The following STXBP5 variants were observed in gnomAD, a reference collection of about 807,000 sequenced individuals.
The protein encoded by STXBP5 is syntaxin-binding protein 5.
STXBP5 carries 50 observed loss-of-function variants against 152.4 expected under a neutral mutation model. The ratio of observed to expected loss-of-function variants is 0.33; its 90% CI spans 0.26 to 0.42. The LOEUF (loss-of-function observed/expected upper bound fraction) is 0.42. Among genes scored for constraint, STXBP5 ranks in the 10% least tolerant of loss-of-function variants. The pLI is 1.00. For missense variants in STXBP5, 1,167 were observed against 1,388.6 expected, an observed-to-expected ratio of 0.84 and a Z score of 2.54; for synonymous variants, 492 against 494.7, an observed-to-expected ratio of 0.99 and a Z score of 0.07.
chr6:147,262,185 T>G (rs1009319727), intron 5 of STXBP5, 105 bp from the exon 6 acceptor site: 1 of 713,158 alleles, frequency 1.4e-6, no homozygotes, highest in Non-Finnish European at 2.3e-6. Flanking sequence ...CTTTCTTTCT[T>G]TATAAATATA....
At chr6:147,301,987 T>C (rs1781843413) in intron 9 of STXBP5, among the ~76,000 whole-genome samples, 1 of 152,208 alleles carries the variant, frequency 6.6e-6, no homozygotes, top group Non-Finnish European at 1.5e-5. Context: ...ACTAGATTGA[T>C]AACTCTGTCT....
At chr6:147,344,746 T>C (rs1784244157) in intron 21 of STXBP5, among the ~76,000 whole-genome samples, 1 of 152,238 alleles carries the variant, frequency 6.6e-6, no homozygotes, top group Admixed American at 6.5e-5. Context: ...GTAGAGGAAC[T>C]GGGGCTTAGG....
Position 147,383,420 on chromosome 6 carries a change from A to G in STXBP5, c.3414+422A>G, listed in dbSNP as rs376780851. On this transcript the variant is annotated intron_variant, in intron 27 of 27. Coordinates refer to ENST00000321680, the MANE Select transcript of STXBP5 (RefSeq NM_001127715.4). ...ACAAACCTTTTTATTTAAATAAACA[A>G]TACTAAGTCCGCGTTGTGGACCAAT... Among the ~76,000 whole-genome samples the G allele has an allele frequency of 2.6e-5, 4 of 152,144 alleles. No homozygotes were observed. The East Asian group carries it at 7.7e-4, about 29-fold the overall frequency.
chr6:147,301,717 T>A (rs1781828371), intron 9 of STXBP5, among the ~76,000 whole-genome samples: 1 of 152,164 alleles, frequency 6.6e-6, no homozygotes. Flanking sequence ...GTTTTTAAGA[T>A]AAGATTTTGA....
intron 22 of STXBP5, among the ~76,000 whole-genome samples, chr6:147,357,825 C>T (rs936686422): frequency 3.3e-4 from 50 of 151,998 alleles, no homozygotes; most frequent in African/African-American, 1.1e-3. Context: ...TAGTGCCATT[C>T]GAAGAATTTA....
At chr6:147,331,519 T>C (rs1562250794) in intron 18 of STXBP5, among the ~76,000 whole-genome samples, 1 of 152,148 alleles carries the variant, frequency 6.6e-6, no homozygotes, top group Non-Finnish European at 1.5e-5. Context: ...ATGAAGGTGG[T>C]GACTCCCTCA....
At chr6:147,369,389 C>T (rs147240234) in intron 25 of STXBP5, among the ~76,000 whole-genome samples, 1 of 151,932 alleles carries the variant, frequency 6.6e-6, no homozygotes, top group South Asian at 2.1e-4. Flanking sequence ...CTTAAGAAAA[C>T]ATCTGTTACC....
intron 9 of STXBP5, among the ~76,000 whole-genome samples, chr6:147,308,459 A>G (rs1204766134): frequency 2.0e-5 from 3 of 152,226 alleles, no homozygotes; most frequent in Non-Finnish European, 4.4e-5. Context: ...CTACTCATTC[A>G]TTCCTTTGAA....
rs546841439 is a variant in STXBP5, at chr6:147,359,846, A to G, written c.2545+523A>G. Among the ~76,000 whole-genome samples the G allele has an allele frequency of 1.1e-4, 16 of 152,082 alleles. No individual in the cohort carries two copies. The South Asian group carries it at 2.9e-3, about 28-fold the overall frequency. ...TGGTGTATATGTGCCACATTTTCTT[A>G]ATCCAGTCTATCATTGTTGGACATT... On this transcript the variant is annotated intron_variant, in intron 23 of 27. Coordinates refer to ENST00000321680, the MANE Select transcript of STXBP5 (RefSeq NM_001127715.4).
At chr6:147,239,737 G>T (rs1778445225) in intron 4 of STXBP5, among the ~76,000 whole-genome samples, 2 of 152,014 alleles carry the variant, frequency 1.3e-5, no homozygotes, top group Admixed American at 1.3e-4. Flanking sequence ...TTTTCAGTCT[G>T]CTGTTCATTT....
intron 22 of STXBP5, among the ~76,000 whole-genome samples, chr6:147,357,278 G>C (rs1470562643): frequency 1.3e-5 from 2 of 152,000 alleles, no homozygotes; most frequent in Non-Finnish European, 2.9e-5. Flanking sequence ...TGATAGGTAG[G>C]AGAAAAGGCT....
At chr6:147,259,424 TAGAA>T (rs1779539032) in intron 4 of STXBP5, among the ~76,000 whole-genome samples, 1 of 152,170 alleles carries the variant, frequency 6.6e-6, no homozygotes, top group South Asian at 2.1e-4. Context: ...ATAAATTCTT[TAGAA>T]AGAGACCATT....
At position 147,296,991 on chromosome 6, in the gene STXBP5, A is replaced by G. The variant is rs951954716; in HGVS notation, c.917+5819A>G. ...AAGAGTTGCATTTAAATATACAAAT[A>G]TTCACATAATATTTATAGAGGGTGA... On this transcript the variant is annotated intron_variant, in intron 9 of 27. Coordinates refer to ENST00000321680, the MANE Select transcript of STXBP5 (RefSeq NM_001127715.4). Among the ~76,000 whole-genome samples, 3 of 152,206 alleles carry G rather than the reference A, an allele frequency of 2.0e-5. 1 individual carries two copies. The South Asian group carries it at 6.2e-4, about 31-fold the overall frequency.
chr6:147,286,596 C>T (rs1440770756), intron 8 of STXBP5, among the ~76,000 whole-genome samples: 1 of 151,988 alleles, frequency 6.6e-6, no homozygotes, highest in Non-Finnish European at 1.5e-5. Context: ...AATGTCTTCC[C>T]TGTATCAAAA....
intron 21 of STXBP5, chr6:147,352,044 C>A: frequency 5.2e-6 from 1 of 191,374 alleles, no homozygotes; most frequent in Non-Finnish European, 9.6e-6. Flanking sequence ...AGTTGAACAA[C>A]GCCTAACTTT....
intron 21 of STXBP5, among the ~76,000 whole-genome samples, chr6:147,345,090 A>G (rs1215103331): frequency 6.6e-6 from 1 of 152,174 alleles, no homozygotes; most frequent in Non-Finnish European, 1.5e-5. Context: ...TTTGATTAAC[A>G]GGTCTGTATT....
chr6:147,246,634 A>G (rs1032749024), intron 4 of STXBP5, among the ~76,000 whole-genome samples: 4 of 152,098 alleles, frequency 2.6e-5, no homozygotes, highest in African/African-American at 9.7e-5. Context: ...TCTGATTTAC[A>G]GTTTCTATAT....
chr6:147,242,556 A>G (rs774816316), intron 4 of STXBP5, among the ~76,000 whole-genome samples: 1 of 152,078 alleles, frequency 6.6e-6, no homozygotes, highest in Non-Finnish European at 1.5e-5. Context: ...TAGGTGTACT[A>G]TTTTTTAATC....
rs1192648659 is a variant in STXBP5, at chr6:147,315,656, T to C, written c.1544T>C (p.Met515Thr). 1.2e-6 allele frequency: 2 copies of C among 1,613,960 alleles called. No individual in the cohort carries two copies. The highest frequency in any genetic ancestry group is 1.7e-6 in the Non-Finnish European group (2 of 1,179,922). ...ATCTCCTGGTGTCCAGAAAGTAGAATGCTGTGCATCGCTGGAGTTTCAGCT... is the reference window on the plus strand; with the variant it reads ...ATCTCCTGGTGTCCAGAAAGTAGAACGCTGTGCATCGCTGGAGTTTCAGCT... ...QIISWCPESR[M>T]LCIAGVSAHV... Residue 515 changes from methionine to threonine, a missense_variant, in exon 15 of 28, where the codon ATG (methionine) becomes ACG (threonine). Physicochemically the swap from Met to Thr is moderately conservative, Grantham distance 81. Transcript: ENST00000321680.
Sources: gnomAD v4.1 joint callset for allele counts (sites outside exome capture counted in the v4.1 genomes callset) on GRCh38, gnomAD v4.1.1 for gene constraint, MANE v1.5 for transcripts, NCBI Gene and HGNC (gene_info 2026-07-23, HGNC 2026-07-21) for gene names.